USP34: variants seen among roughly 807,000 people sequenced by gnomAD.
The protein encoded by USP34 is ubiquitin carboxyl-terminal hydrolase 34.
A neutral mutation model predicts 460.3 loss-of-function variants in USP34; 70 were observed. The observed-to-expected ratio is 0.15, with a 90% confidence interval of 0.13 to 0.19. The LOEUF (loss-of-function observed/expected upper bound fraction) is 0.19. Ranked by LOEUF, USP34 falls within the 10% of genes least tolerant of loss-of-function variation. The pLI, the probability that USP34 is intolerant of heterozygous loss-of-function variation, is 1.00. For synonymous variants in USP34, 1,647 were observed against 1,405.3 expected, an observed-to-expected ratio of 1.17 and a Z score of -3.85; for missense variants, 3,985 against 4,236.2, an observed-to-expected ratio of 0.94 and a Z score of 1.65.
At position 61,236,306 on chromosome 2, in the gene USP34, T is replaced by G; in HGVS notation, c.6842+19A>C. The G allele has an allele frequency of 6.3e-7, 1 of 1,597,628 alleles. No homozygotes were observed. Among genetic ancestry groups the G allele is most frequent in the Non-Finnish European group, 8.5e-7 (1 of 1,173,382 alleles). On this transcript the variant is annotated intron_variant, in intron 54 of 79. Transcript: ENST00000398571. Reference sequence around the variant, plus strand: ...TTTAAAATGTGTAAAATATCTACTATGAAATTTACCAAACTTACCCAAAAT... The same window carrying G: ...TTTAAAATGTGTAAAATATCTACTAGGAAATTTACCAAACTTACCCAAAAT...
chr2:61,331,782 A>AT lies in USP34; in HGVS notation c.2835-412dup, dbSNP rs1294482565. Among the ~76,000 whole-genome samples the AT allele has an allele frequency of 3.4e-5, 5 of 146,542 alleles. No homozygotes were observed. In the South Asian group the frequency reaches 7.3e-4, roughly 21 times the overall value. On this transcript the variant is annotated intron_variant, in intron 19 of 79. Coordinates refer to ENST00000398571, the MANE Select transcript of USP34 (RefSeq NM_014709.4). ...TAATTTGCTTATATTTTTGAACAAA[A>AT]TTTTTTTTAAAAAAATCAAAGAAAT...
intron 1 of USP34, among the ~76,000 whole-genome samples, chr2:61,457,465 TGC>T (rs1695473457): frequency 6.6e-6 from 1 of 152,218 alleles, no homozygotes; most frequent in African/African-American, 2.4e-5. Context: ...ACTCTGTTTC[TGC>T]CAAAGAAACG....
intron 29 of USP34, 139 bp downstream of exon 29, chr2:61,300,812 A>C: frequency 3.2e-6 from 2 of 632,942 alleles, no homozygotes; most frequent in Non-Finnish European, 4.8e-6. Flanking sequence ...AGAAAACAAA[A>C]AAAAAATGAA....
chr2:61,467,749 T>C (rs879832799), intron 1 of USP34, among the ~76,000 whole-genome samples: 2 of 149,324 alleles, frequency 1.3e-5, no homozygotes, highest in Non-Finnish European at 3.0e-5. Context: ...GCCTCCCAAG[T>C]AGCTGGGACT....
intron 6 of USP34, among the ~76,000 whole-genome samples, chr2:61,382,715 T>C (rs2103868533): frequency 6.6e-6 from 1 of 152,296 alleles, no homozygotes; most frequent in Middle Eastern, 3.4e-3. Flanking sequence ...TACAACCCTT[T>C]CTCCATCTTC....
intron 30 of USP34, 64 bp downstream of exon 30, chr2:61,296,736 A>G: frequency 6.5e-7 from 1 of 1,527,132 alleles, no homozygotes; most frequent in Non-Finnish European, 8.8e-7. Flanking sequence ...AATCTTCTAC[A>G]CTGTCAATAG....
At chr2:61,434,331 G>C (rs889721427) in intron 1 of USP34, among the ~76,000 whole-genome samples, 1 of 151,930 alleles carries the variant, frequency 6.6e-6, no homozygotes, top group Non-Finnish European at 1.5e-5. Context: ...AGCCCAATGG[G>C]CAACACCTGA....
At chr2:61,386,889 T>C (rs1572991282) in intron 5 of USP34, among the ~76,000 whole-genome samples, 1 of 151,812 alleles carries the variant, frequency 6.6e-6, no homozygotes, top group Admixed American at 6.6e-5. Flanking sequence ...TAAAGAAAAA[T>C]GACAAACTGT....
chr2:61,277,476 A>G (rs1369789508), intron 41 of USP34, among the ~76,000 whole-genome samples: 1 of 152,094 alleles, frequency 6.6e-6, no homozygotes, highest in Non-Finnish European at 1.5e-5. Context: ...GTTTCAAGCA[A>G]TCCACCTACC....
intron 10 of USP34, among the ~76,000 whole-genome samples, chr2:61,351,293 T>C (rs1691935575): frequency 6.6e-6 from 1 of 152,202 alleles, no homozygotes; most frequent in African/African-American, 2.4e-5. Flanking sequence ...TTATAAAGTA[T>C]TTATATAATG....
rs775488317 is a variant in USP34, at chr2:61,221,531, C to A, written c.7870G>T (p.Ala2624Ser). 9.3e-6 allele frequency: 15 copies of A among 1,613,968 alleles called. No individual in the cohort carries two copies. Among genetic ancestry groups the A allele is most frequent in the Non-Finnish European group, 1.3e-5 (15 of 1,179,922 alleles). ...CATATCCTCTGCAGAATATAAGATG[C>A]AAAGGGAGGCATTCCTGGAGGTCCA... ...AGGPPGMPPF[A>S]SYILQRIWEV... The change falls in exon 66 of 80, where the codon GCA becomes TCA. Residue 2624 changes from alanine (A) to serine (S), a missense_variant. Coordinates refer to ENST00000398571, the MANE Select transcript of USP34 (RefSeq NM_014709.4).
chr2:61,395,158 AAG>A (rs1223801244), intron 4 of USP34, 23 bp downstream of exon 4: 1 of 1,487,286 alleles, frequency 6.7e-7, no homozygotes, highest in Non-Finnish European at 9.1e-7. Flanking sequence ...TTTTCCATAA[AAG>A]AATAAAAAAG....
chr2:61,280,703 A>T (rs1205467791), intron 38 of USP34, among the ~76,000 whole-genome samples: 1 of 152,214 alleles, frequency 6.6e-6, no homozygotes, highest in Admixed American at 6.5e-5. Context: ...TAGTATATGA[A>T]CTAGGGTAGG....
At chr2:61,400,819 A>G (rs1235192708) in intron 3 of USP34, among the ~76,000 whole-genome samples, 1 of 152,052 alleles carries the variant, frequency 6.6e-6, no homozygotes, top group Non-Finnish European at 1.5e-5. Flanking sequence ...CCAGTGTACT[A>G]CTCCAGCCTG....
intron 5 of USP34, 86 bp from the exon 6 acceptor site, chr2:61,383,422 T>A: frequency 9.3e-7 from 1 of 1,074,324 alleles, no homozygotes; most frequent in Non-Finnish European, 1.4e-6. Context: ...ACAAGAGCAT[T>A]GGCCAGGCAC....
At chr2:61,376,222 A>C (rs4672436) in intron 8 of USP34, among the ~76,000 whole-genome samples, 50,963 of 152,054 alleles carry the variant, frequency 0.34, 8,636 homozygotes, top group Non-Finnish European at 0.38. Flanking sequence ...TATGTTAATA[A>C]AACTGCTTAA....
chr2:61,206,325 GATA>G (rs1687116226), intron 71 of USP34, among the ~76,000 whole-genome samples: 1 of 152,146 alleles, frequency 6.6e-6, no homozygotes, highest in African/African-American at 2.4e-5. Context: ...ATATTTCATT[GATA>G]ATATGTCCCA....
chr2:61,470,562 C>T lies in USP34; in HGVS notation c.43+88G>A. On this transcript the variant is annotated intron_variant, in intron 1 of 79. Transcript: ENST00000398571. ...GCCGCCCGGCCCGGCCGTCGCCTCC[C>T]GCAGGCCGCGGCAGCCCGGGGAGGC... The T allele has an allele frequency of 3.2e-6, 3 of 949,614 alleles. No individual in the cohort carries two copies. In the South Asian group the frequency reaches 4.3e-5, roughly 14 times the overall value. 58.8% of individuals were successfully genotyped at this position (949,614 alleles called of 1,614,324 possible). A position where few individuals can be genotyped will look rare whatever the true frequency, so the allele number is the denominator to read the frequency against.
chr2:61,387,661 A>G (rs183907918), intron 5 of USP34, among the ~76,000 whole-genome samples: 277 of 147,450 alleles, frequency 1.9e-3, no homozygotes, highest in African/African-American at 6.5e-3. Flanking sequence ...TATATTTTAC[A>G]TATGCACACA....
Sources: gnomAD v4.1 joint callset for allele counts (sites outside exome capture counted in the v4.1 genomes callset) on GRCh38, gnomAD v4.1.1 for gene constraint, MANE v1.5 for transcripts, NCBI Gene and HGNC (gene_info 2026-07-23, HGNC 2026-07-21) for gene names.